GXYLT1: variants seen among roughly 807,000 people sequenced by gnomAD.
GXYLT1 encodes glucoside xylosyltransferase 1.
GXYLT1 carries 29 observed loss-of-function variants against 54.0 expected under a neutral mutation model. That is an observed-to-expected ratio of 0.54 (90% CI 0.40 to 0.73). The LOEUF (loss-of-function observed/expected upper bound fraction) is 0.73, where lower values mean the gene tolerates loss of function less well. Among genes scored for constraint, GXYLT1 ranks in the 30% least tolerant of loss-of-function variants. The probability of loss-of-function intolerance (pLI) is 0.00; values close to 1 mark genes in which losing one functional copy is unlikely to be tolerated. For missense variants in GXYLT1, 490 were observed against 553.4 expected, an observed-to-expected ratio of 0.89 and a Z score of 1.15; for synonymous variants, 176 against 204.1, an observed-to-expected ratio of 0.86 and a Z score of 1.17.
At position 42,114,217 on chromosome 12, in the gene GXYLT1, G is replaced by C. The variant is rs528044776; in HGVS notation, c.487-4526C>G. Among the ~76,000 whole-genome samples the C allele has an allele frequency of 4.0e-4, 61 of 152,286 alleles. No individual in the cohort carries two copies. The South Asian group carries it at 0.012, about 30-fold the overall frequency. On this transcript the variant is annotated intron_variant, in intron 3 of 7. Coordinates refer to ENST00000398675, the MANE Select transcript of GXYLT1 (RefSeq NM_173601.2). ...TGACACCTTAACATCACAATTAAAAGAGCTAGAAAAGCAAGAGCAAAGACA... is the reference window on the plus strand; with the variant it reads ...TGACACCTTAACATCACAATTAAAACAGCTAGAAAAGCAAGAGCAAAGACA...
intron 7 of GXYLT1, 24 bp from the exon 8 acceptor site, chr12:42,087,971 AT>A (rs758734999): frequency 2.9e-6 from 4 of 1,357,612 alleles, no homozygotes; most frequent in South Asian, 2.8e-5. Flanking sequence ...ATTTTAAAAA[AT>A]AAAAAATTTA....
Position 42,087,665 on chromosome 12 carries a change from G to GAA in GXYLT1, c.*119_*120dup. ...AATACTGCTTACTTAACTTCTTTAG[G>GAA]AAAAAAAAAATTATTCTGGAGATGA... On this transcript the variant is annotated 3_prime_UTR_variant, in exon 8 of 8. Transcript: ENST00000398675. 1.1e-5 allele frequency: 7 copies of GAA among 653,204 alleles called. No homozygotes were observed. Among genetic ancestry groups the GAA allele is most frequent in the Non-Finnish European group, 1.7e-5 (7 of 414,020 alleles). The allele number at this position is 653,204 out of a possible 1,614,324, so 40.5% of individuals were successfully genotyped here.
chr12:42,097,488 T>C lies in GXYLT1; in HGVS notation c.1115A>G (p.Asp372Gly). The C allele has an allele frequency of 2.5e-6, 4 of 1,603,026 alleles. No homozygotes were observed. The highest frequency in any genetic ancestry group is 2.5e-6 in the Non-Finnish European group (3 of 1,177,372). The change falls in exon 7 of 8, where the codon GAC becomes GGC. Residue 372 changes from aspartate to glycine, a missense_variant. Around this residue, in one of 2 missense-constraint regions of GXYLT1, gnomAD observed 342 missense variants for 342.6 expected, o/e 1.00. Coordinates refer to ENST00000398675, the MANE Select transcript of GXYLT1 (RefSeq NM_173601.2). ...AGCTCTAAATGCTGGTTGCTTATCG[T>C]CATGGTAAACACCTCTGTTCCCATG... The part of the protein sequence containing the change: ...ILHGNRGVYH[D>G]DKQPAFRAVY...
chr12:42,133,548 A>ACTG (rs1376256947), intron 1 of GXYLT1, among the ~76,000 whole-genome samples: 1 of 152,152 alleles, frequency 6.6e-6, no homozygotes, highest in Non-Finnish European at 1.5e-5. Flanking sequence ...GCCAGCATCA[A>ACTG]CTGCTAGCCA....
chr12:42,141,416 A>G (rs2065651814), intron 1 of GXYLT1, among the ~76,000 whole-genome samples: 1 of 152,194 alleles, frequency 6.6e-6, no homozygotes, highest in Non-Finnish European at 1.5e-5. Flanking sequence ...CTGAATTTTC[A>G]TCAAAGACAA....
chr12:42,114,152 C>T (rs977822086), intron 3 of GXYLT1, among the ~76,000 whole-genome samples: 1 of 152,108 alleles, frequency 6.6e-6, no homozygotes, highest in Non-Finnish European at 1.5e-5. Context: ...AAATTTACAC[C>T]ACTAAATGCC....
At position 42,087,721 on chromosome 12, in the gene GXYLT1, C is replaced by T. The variant is rs1358185196; in HGVS notation, c.*65G>A. On this transcript the variant is annotated 3_prime_UTR_variant, in exon 8 of 8. Transcript: ENST00000398675. Reference sequence around the variant, plus strand: ...TCCTTCCTGAATACTTCATCCAAGACGATTCCTTCACACTTATCTTCTGAT... The same window carrying T: ...TCCTTCCTGAATACTTCATCCAAGATGATTCCTTCACACTTATCTTCTGAT... The T allele has an allele frequency of 1.2e-5, 14 of 1,192,982 alleles. 1 individual carries two copies. Among genetic ancestry groups the T allele is most frequent in the South Asian group, 4.5e-5 (3 of 67,176 alleles). 73.9% of individuals were successfully genotyped at this position (1,192,982 alleles called of 1,614,324 possible).
Position 42,086,617 on chromosome 12 carries a change from A to G in GXYLT1, c.*1169T>C, listed in dbSNP as rs1226383387. 1 of 151,710 alleles carries G rather than the reference A, an allele frequency of 6.6e-6. No homozygotes were observed. Among genetic ancestry groups the G allele is most frequent in the Non-Finnish European group, 1.5e-5 (1 of 67,838 alleles). 9.4% of individuals were successfully genotyped at this position (151,710 alleles called of 1,614,324 possible). ...ACAGGTCAAGAATGCCAAAGAAGTA[A>G]TTTCTCAAGATTTAAAAAAATTAAC... is the stretch of plus-strand genomic sequence containing the variant. On this transcript the variant is annotated 3_prime_UTR_variant, in exon 8 of 8. Transcript: ENST00000398675.
intron 2 of GXYLT1, among the ~76,000 whole-genome samples, chr12:42,124,502 T>C (rs570362247): frequency 2.2e-4 from 34 of 152,176 alleles, no homozygotes; most frequent in African/African-American, 7.7e-4. Flanking sequence ...ATAGATGATA[T>C]ACAGAACAAA....
intron 2 of GXYLT1, among the ~76,000 whole-genome samples, chr12:42,121,321 T>C (rs1190713995): frequency 6.6e-6 from 1 of 152,126 alleles, no homozygotes; most frequent in East Asian, 1.9e-4. Flanking sequence ...ACAAGAAGTA[T>C]ATTAAACCTA....
At chr12:42,097,405 A>C in intron 7 of GXYLT1, 37 bp downstream of exon 7, 7 of 1,495,452 alleles carry the variant, frequency 4.7e-6, no homozygotes, top group Non-Finnish European at 6.2e-6. Context: ...AAGTATTTTC[A>C]AACAAAAAGT....
At chr12:42,099,376 A>C (rs2065376659) in intron 5 of GXYLT1, among the ~76,000 whole-genome samples, 1 of 152,230 alleles carries the variant, frequency 6.6e-6, no homozygotes, top group Admixed American at 6.5e-5. Flanking sequence ...CAACTCAGCC[A>C]AATTAACTAT....
intron 4 of GXYLT1, among the ~76,000 whole-genome samples, chr12:42,108,648 C>T (rs1204135233): frequency 6.6e-6 from 1 of 151,944 alleles, no homozygotes; most frequent in African/African-American, 2.4e-5. Flanking sequence ...CTTTTTAGGG[C>T]GGAGCAACAA....
intron 3 of GXYLT1, among the ~76,000 whole-genome samples, chr12:42,116,614 A>G (rs1366284016): frequency 2.6e-5 from 4 of 152,240 alleles, no homozygotes; most frequent in Non-Finnish European, 5.9e-5. Flanking sequence ...CAATCATTAA[A>G]AAGTCAGGAA....
Position 42,097,529 on chromosome 12 carries a change from T to C in GXYLT1, c.1074A>G (p.Gly358=), listed in dbSNP as rs764193650. Residue 358 remains glycine (G), a synonymous_variant, in exon 7 of 8, where the codon GGA becomes GGG. Coordinates refer to ENST00000398675, the MANE Select transcript of GXYLT1 (RefSeq NM_173601.2). ...TGTTCCCATGAAGAATAAAGATTCC[T>C]CCTTCTTCTGCTTCTTGGCAATTGC... ...YGSNCQEAEE[G]GIFILHGNRG... 6 of 1,612,130 alleles carry C rather than the reference T, an allele frequency of 3.7e-6. No homozygotes were observed. The South Asian group carries it at 6.6e-5, about 18-fold the overall frequency.
intron 5 of GXYLT1, among the ~76,000 whole-genome samples, chr12:42,102,269 C>T (rs985614104): frequency 2.6e-5 from 4 of 152,206 alleles, no homozygotes; most frequent in African/African-American, 9.6e-5. Context: ...AGATTAGTTA[C>T]TTCACTTTAA....
chr12:42,125,898 G>A (rs772635594), intron 2 of GXYLT1, among the ~76,000 whole-genome samples: 1 of 151,944 alleles, frequency 6.6e-6, no homozygotes, highest in Non-Finnish European at 1.5e-5. Flanking sequence ...ATGGTGGCAT[G>A]CACCTGTAGT....
intron 7 of GXYLT1, among the ~76,000 whole-genome samples, chr12:42,089,322 C>T (rs1426065042): frequency 1.7e-5 from 2 of 118,676 alleles, no homozygotes; most frequent in East Asian, 2.5e-4. Context: ...GAACATCACA[C>T]ATCGGGAACT....
rs1592098051 is a variant in GXYLT1, at chr12:42,087,686, G to A, written c.*100C>T. 6 of 792,656 alleles carry A rather than the reference G, an allele frequency of 7.6e-6. No homozygotes were observed. Among genetic ancestry groups the A allele is most frequent in the Non-Finnish European group, 1.2e-5 (6 of 520,346 alleles). The allele number at this position is 792,656 out of a possible 1,614,324, so 49.1% of individuals were successfully genotyped here. A position where few individuals can be genotyped will look rare whatever the true frequency, so the allele number is the denominator to read the frequency against. On this transcript the variant is annotated 3_prime_UTR_variant, in exon 8 of 8. Transcript: ENST00000398675. ...TTAGGAAAAAAAAAATTATTCTGGA[G>A]ATGAGTAATTCCTTCCTGAATACTT... is the stretch of plus-strand genomic sequence containing the variant.
Sources: gnomAD v4.1 joint callset for allele counts (sites outside exome capture counted in the v4.1 genomes callset) on GRCh38, gnomAD v4.1.1 for gene constraint, gnomAD v4.1.1 regional missense constraint, MANE v1.5 for transcripts, NCBI Gene and HGNC (gene_info 2026-07-23, HGNC 2026-07-21) for gene names.